The following EXOSC4 variants were observed in gnomAD, a reference collection of about 807,000 sequenced individuals.
The protein encoded by EXOSC4 is exosome complex component RRP41.
In EXOSC4, 14 loss-of-function variants were observed where a neutral mutation model predicts 20.0. The observed-to-expected ratio is 0.70, with a 90% CI of 0.46 to 1.09. The LOEUF (loss-of-function observed/expected upper bound fraction) is 1.09. EXOSC4 is among the 50% of genes least tolerant of loss of function. The probability of loss-of-function intolerance (pLI) is 0.00; values close to 1 mark genes in which losing one functional copy is unlikely to be tolerated. For missense variants in EXOSC4, 337 were observed against 334.0 expected (o/e 1.01, Z -0.07); for synonymous variants, 148 against 146.4 (o/e 1.01, Z -0.08).
the EXOSC4 span, among the ~76,000 whole-genome samples, chr8:144,067,739 G>A: frequency 2.2e-4 from 33 of 152,256 alleles, no homozygotes; most frequent in African/African-American, 6.8e-4. Context: ...CGGGCACAGT[G>A]GCACACGCCT....
At chr8:144,074,169 T>C (rs563874262), upstream of EXOSC4, among the ~76,000 whole-genome samples, 75 of 152,316 alleles carry the variant, frequency 4.9e-4, no homozygotes, top group African/African-American at 1.5e-3. Context: ...TACAGAGTCA[T>C]ATATTTCGTA....
upstream of EXOSC4, among the ~76,000 whole-genome samples, chr8:144,075,879 GTT>G (rs1482568398): frequency 1.3e-5 from 2 of 152,216 alleles, no homozygotes; most frequent in African/African-American, 4.8e-5. Flanking sequence ...TATTCACTTA[GTT>G]TTGGATATAC....
At chr8:144,064,352 G>A in the EXOSC4 span, among the ~76,000 whole-genome samples, 1 of 152,272 alleles carries the variant, frequency 6.6e-6, no homozygotes, top group Non-Finnish European at 1.5e-5. Context: ...AGGCAACCAG[G>A]TGTGGTATGT....
In EXOSC4 at chr8:144,078,850, T is replaced by A. The variant is rs1554763100; in HGVS notation, c.122T>A (p.Ile41Asn). The change falls in exon 1 of 3, where the codon ATT becomes AAT. Residue 41 changes from isoleucine (I) to asparagine (N), a missense_variant. By Grantham distance (149) the Ile-to-Asn change is moderately radical. Transcript: ENST00000316052. The surrounding 1 kb of genome is among the most constrained non-coding windows in gnomAD (Gnocchi z 4.7). The part of the protein sequence containing the change: ...VFAQADGSAY[I>N]EQGNTKALAV... ...GCGCAGGCTGACGGCTCGGCCTACA[T>A]TGAGCAGGGCAACACCAAGGCACTG... 6.3e-7 allele frequency: 1 copy of A among 1,576,080 alleles called. No individual in the cohort carries two copies. Among genetic ancestry groups the A allele is most frequent in the Non-Finnish European group, 8.6e-7 (1 of 1,163,586 alleles).
chr8:144,066,597 A>T, the EXOSC4 span, among the ~76,000 whole-genome samples: 9 of 151,676 alleles, frequency 5.9e-5, no homozygotes, highest in South Asian at 1.9e-3. Flanking sequence ...GTGTGCCACC[A>T]TGCCTGGCTA....
chr8:144,070,060 A>T, the EXOSC4 span, among the ~76,000 whole-genome samples: 1 of 152,240 alleles, frequency 6.6e-6, no homozygotes, highest in Non-Finnish European at 1.5e-5. Flanking sequence ...GTGTGGGTTT[A>T]AGGCATTTGG....
At chr8:144,071,575 C>T in the EXOSC4 span, among the ~76,000 whole-genome samples, 27 of 149,662 alleles carry the variant, frequency 1.8e-4, no homozygotes, top group East Asian at 4.5e-3. Flanking sequence ...GGATTACAGG[C>T]ATGAGCCACT....
At chr8:144,064,129 G>C in the EXOSC4 span, among the ~76,000 whole-genome samples, 16 of 152,356 alleles carry the variant, frequency 1.1e-4, no homozygotes, top group African/African-American at 3.8e-4. Context: ...CCCCCTGAGG[G>C]CCAAATGGCC....
chr8:144,070,552 C>T, the EXOSC4 span, among the ~76,000 whole-genome samples: 3 of 138,720 alleles, frequency 2.2e-5, no homozygotes, highest in African/African-American at 8.3e-5. Flanking sequence ...TGGGGCTGGG[C>T]GTGGTGGCTC....
chr8:144,076,367 G>C (rs1441777621), upstream of EXOSC4, among the ~76,000 whole-genome samples: 1 of 152,190 alleles, frequency 6.6e-6, no homozygotes, highest in Non-Finnish European at 1.5e-5. Context: ...CAAGTCTATA[G>C]TGAGTCCTTC....
chr8:144,079,258 C>T, intron 1 of EXOSC4: 1 of 236,402 alleles, frequency 4.2e-6, no homozygotes, highest in Admixed American at 5.2e-5. Context: ...TTGTTTTGTG[C>T]ACCTACAATC....
chr8:144,069,390 C>T, the EXOSC4 span, among the ~76,000 whole-genome samples: 1 of 152,248 alleles, frequency 6.6e-6, no homozygotes, highest in East Asian at 1.9e-4. Flanking sequence ...ATGGTTCCTT[C>T]TGGAGGTTCC....
At chr8:144,074,588 T>C (rs561688996), upstream of EXOSC4, among the ~76,000 whole-genome samples, 19 of 152,224 alleles carry the variant, frequency 1.2e-4, no homozygotes, top group Non-Finnish European at 1.6e-4. Context: ...GTTTGTTTTT[T>C]TGAGACAGCC....
Position 144,080,217 on chromosome 8 carries a change from G to A in EXOSC4, c.379-25G>A, listed in dbSNP as rs376348792. ...ATGGGGTTGGGGAGGGAGTCTGATA[G>A]ACTGACACCCTGGGTTCCCTGCAGG... On this transcript the variant is annotated intron_variant, in intron 2 of 2. Coordinates refer to ENST00000316052, the MANE Select transcript of EXOSC4 (RefSeq NM_019037.3). The surrounding 1 kb of genome is among the most constrained non-coding windows in gnomAD (Gnocchi z 4.9). 16 of 1,610,442 alleles carry A rather than the reference G, an allele frequency of 9.9e-6. No homozygotes were observed. In the African/African-American group the frequency reaches 2.1e-4, roughly 22 times the overall value.
At chr8:144,068,499 C>A in the EXOSC4 span, among the ~76,000 whole-genome samples, 1 of 152,360 alleles carries the variant, frequency 6.6e-6, no homozygotes, top group East Asian at 1.9e-4. Context: ...TCTGACTGGC[C>A]TGTGCGGGAA....
Position 144,080,348 on chromosome 8 carries a change from C to T in EXOSC4, c.485C>T (p.Ala162Val). 6.2e-7 allele frequency: 1 copy of T among 1,613,322 alleles called. No individual in the cohort carries two copies. The highest frequency in any genetic ancestry group is 1.1e-5 in the South Asian group (1 of 91,088). The change falls in exon 3 of 3, where the codon GCT becomes GTT. Residue 162 changes from alanine (A) to valine (V), a missense_variant. Ala to Val is a moderately conservative substitution (Grantham distance 64). Transcript: ENST00000316052. This position sits in a 1 kb window ranked among gnomAD's most constrained non-coding sequence, Gnocchi z 4.9. ...AGAGACTTTGTGTGTGCGTGCTCAG[C>T]TGGCTTCGTGGACGGCACAGCCCTG... ...PMRDFVCACS[A>V]GFVDGTALAD...
At chr8:144,076,885 G>A (rs1421344306), upstream of EXOSC4, among the ~76,000 whole-genome samples, 1 of 151,744 alleles carries the variant, frequency 6.6e-6, no homozygotes, top group East Asian at 1.9e-4. Context: ...GGTCAACATG[G>A]TGAAACCCCA....
At chr8:144,067,862 C>T in the EXOSC4 span, among the ~76,000 whole-genome samples, 8 of 152,290 alleles carry the variant, frequency 5.3e-5, no homozygotes, top group African/African-American at 1.2e-4. Flanking sequence ...ATAAATTAGC[C>T]GGGCATGGTG....
upstream of EXOSC4, among the ~76,000 whole-genome samples, chr8:144,075,653 C>A (rs1009193682): frequency 1.3e-5 from 2 of 152,142 alleles, no homozygotes; most frequent in East Asian, 1.9e-4. Flanking sequence ...GGATTACAAG[C>A]GCGAGCACCG....
Sources: gnomAD v4.1 joint callset for allele counts (sites outside exome capture counted in the v4.1 genomes callset) on GRCh38, gnomAD v4.1.1 for gene constraint, Gnocchi (gnomAD v3.1) non-coding constraint, MANE v1.5 for transcripts, NCBI Gene and HGNC (gene_info 2026-07-23, HGNC 2026-07-21) for gene names.